The following CENPF variants were observed in gnomAD, a reference collection of about 807,000 sequenced individuals.
CENPF encodes the protein centromere protein F, also known as AH antigen.
Under a neutral mutation model 307.3 loss-of-function variants are expected in CENPF, and 214 were observed. That is an observed-to-expected ratio of 0.70 (90% CI 0.62 to 0.78). The LOEUF is 0.78. CENPF is among the 30% of genes least tolerant of loss of function. The probability of loss-of-function intolerance (pLI) is 0.00; values close to 1 mark genes in which losing one functional copy is unlikely to be tolerated. For synonymous variants in CENPF, 1,259 were observed against 1,270.6 expected (o/e 0.99, Z 0.19); for missense variants, 3,401 against 3,483.9 (o/e 0.98, Z 0.60).
rs1280130678 is a variant in CENPF, at chr1:214,640,238, G to C, written c.1900G>C (p.Glu634Gln). 6.2e-6 allele frequency: 10 copies of C among 1,612,104 alleles called. No individual in the cohort carries two copies. The highest frequency in any genetic ancestry group is 8.5e-6 in the Non-Finnish European group (10 of 1,179,610). The change falls in exon 12 of 20, where the codon GAA becomes CAA. Residue 634 changes from glutamate (E) to glutamine (Q), a missense_variant. Physicochemically the swap from Glu to Gln is conservative, Grantham distance 29. Transcript: ENST00000366955. ...SENEKLLTQM[E>Q]SEKENLQSKI... ...AAACGAAAAACTTTTAACTCAGATG[G>C]AATCAGAAAAGGAAAACTTGCAGAG...
intron 19 of CENPF, among the ~76,000 whole-genome samples, chr1:214,663,034 G>C (rs1558194993): frequency 6.6e-6 from 1 of 152,130 alleles, no homozygotes; most frequent in African/African-American, 2.4e-5. Flanking sequence ...TCCTTTAAAA[G>C]GCAGGATGTT....
In CENPF at chr1:214,640,180, A is replaced by T. The variant is rs147543346; in HGVS notation, c.1842A>T (p.Glu614Asp). ...LKKKEYEELK[E>D]EKTLFSCWKS... ...AGAAAGAATATGAAGAATTGAAAGA[A>T]GAGAAAACTCTGTTTTCTTGTTGGA... is the stretch of plus-strand genomic sequence containing the variant. Residue 614 changes from glutamate to aspartate, a missense_variant, in exon 12 of 20, where the codon GAA (glutamate) becomes GAT (aspartate). Physicochemically the swap from Glu to Asp is conservative, Grantham distance 45. Coordinates refer to ENST00000366955, the MANE Select transcript of CENPF (RefSeq NM_016343.4). 2 of 1,593,106 alleles carry T rather than the reference A, an allele frequency of 1.3e-6. No individual in the cohort carries two copies. Among genetic ancestry groups the T allele is most frequent in the East Asian group, 2.2e-5 (1 of 44,816 alleles).
intron 7 of CENPF, among the ~76,000 whole-genome samples, 195 bp from the exon 8 acceptor site, chr1:214,628,851 A>G (rs1211127193): frequency 6.6e-6 from 1 of 152,234 alleles, no homozygotes; most frequent in East Asian, 1.9e-4. Flanking sequence ...ATCGTTAGAC[A>G]TGCCGATCTT....
chr1:214,624,889 C>A (rs532169262), intron 7 of CENPF, among the ~76,000 whole-genome samples: 1 of 152,138 alleles, frequency 6.6e-6, no homozygotes, highest in East Asian at 1.9e-4. Flanking sequence ...GTTGGAGTCC[C>A]CACCTATAAC....
intron 3 of CENPF, among the ~76,000 whole-genome samples, chr1:214,617,000 C>CTCTT (rs549033456): frequency 0.039 from 5,014 of 128,704 alleles, 202 homozygotes; most frequent in Non-Finnish European, 0.051. Flanking sequence ...CTCTCTTTCT[C>CTCTT]TCTTTCTTTC....
At chr1:214,663,112 A>AT (rs774640817) in intron 19 of CENPF, among the ~76,000 whole-genome samples, 7 of 152,220 alleles carry the variant, frequency 4.6e-5, no homozygotes, top group Non-Finnish European at 7.3e-5. Context: ...GTCCAAATTC[A>AT]ATATGGAAAC....
intron 10 of CENPF, among the ~76,000 whole-genome samples, chr1:214,634,482 T>C (rs1657903057): frequency 6.6e-6 from 1 of 152,210 alleles, no homozygotes; most frequent in African/African-American, 2.4e-5. Context: ...AGACAGTGGC[T>C]TACCCTTTCT....
rs781281797 is a variant in CENPF at position 214,645,061 on chromosome 1, A to G, written c.5491A>G (p.Ile1831Val). The change falls in exon 13 of 20, where the codon ATA (isoleucine) becomes GTA (valine). Residue 1831 changes from isoleucine (I) to valine (V), a missense_variant. Transcript: ENST00000366955. ...TGAAGCATGCATAGAATTGGAAAAA[A>G]TAGTTGGGGAACTTAAGAAAGAAAA... ...KIEACIELEK[I>V]VGELKKENSD... The G allele has an allele frequency of 2.5e-5, 40 of 1,613,822 alleles. No homozygotes were observed. The highest frequency in any genetic ancestry group is 5.9e-6 in the Non-Finnish European group (7 of 1,179,984).
chr1:214,645,403 G>GTTA lies in CENPF; in HGVS notation c.5836_5838dup (p.Ile1946dup), dbSNP rs756199254. 1.2e-6 allele frequency: 2 copies of GTTA among 1,613,912 alleles called. No homozygotes were observed. Among genetic ancestry groups the GTTA allele is most frequent in the Middle Eastern group, 1.7e-4 (1 of 6,060 alleles). On this transcript the variant is annotated inframe_insertion, in exon 13 of 20. Coordinates refer to ENST00000366955, the MANE Select transcript of CENPF (RefSeq NM_016343.4). ...AAAAGACAATGAAAATAAGCAGAAG[G>GTTA]TTATTGTCTGCCTTGAAGAAGAACT...
At chr1:214,613,187 A>C (rs1657243664) in intron 1 of CENPF, 1 of 250,386 alleles carries the variant, frequency 4.0e-6, no homozygotes, top group Non-Finnish European at 8.0e-6. Context: ...GGCATTTAGG[A>C]TACATTCTAT....
At chr1:214,639,094 T>C (rs1571713088) in intron 11 of CENPF, among the ~76,000 whole-genome samples, 1 of 152,254 alleles carries the variant, frequency 6.6e-6, no homozygotes, top group African/African-American at 2.4e-5. Context: ...ATGTCTGAGA[T>C]TGTAATACAT....
chr1:214,641,182 C>G lies in CENPF; in HGVS notation c.2844C>G (p.Ser948=). 1 of 1,605,036 alleles carries G rather than the reference C, an allele frequency of 6.2e-7. No homozygotes were observed. Among genetic ancestry groups the G allele is most frequent in the Non-Finnish European group, 8.5e-7 (1 of 1,177,746 alleles). The change falls in exon 12 of 20, where the codon TCC becomes TCG. Residue 948 remains serine, a synonymous_variant. Transcript: ENST00000366955. Reference sequence around the variant, plus strand: ...CTCTAAAGGAGCTACAACTTTTATCCGAAACCCTAAGCTTGGAGAAGAAAG... The same window carrying G: ...CTCTAAAGGAGCTACAACTTTTATCGGAAACCCTAAGCTTGGAGAAGAAAG... The part of the protein sequence containing the change: ...EDSLKELQLL[S]ETLSLEKKEM...
At chr1:214,619,107 G>A (rs1467937078) in intron 4 of CENPF, 22 bp from the exon 5 acceptor site, 1 of 1,175,604 alleles carries the variant, frequency 8.5e-7, no homozygotes, top group African/African-American at 1.5e-5. Context: ...AAAGAAAACT[G>A]TATTTGATTG....
intron 12 of CENPF, 125 bp from the exon 13 acceptor site, chr1:214,644,432 A>T: frequency 1.2e-6 from 1 of 853,268 alleles, no homozygotes; most frequent in Non-Finnish European, 1.7e-6. Flanking sequence ...TGGGAAATTC[A>T]CCACTTTAAG....
In CENPF at chr1:214,647,345, A is replaced by C. The variant is rs141793562; in HGVS notation, c.7775A>C (p.Asn2592Thr). 7 of 1,612,958 alleles carry C rather than the reference A, an allele frequency of 4.3e-6. No homozygotes were observed. In the African/African-American group the frequency reaches 8.0e-5, roughly 18 times the overall value. Residue 2592 changes from asparagine to threonine, a missense_variant, in exon 13 of 20, where the codon AAT becomes ACT. Physicochemically the swap from Asn to Thr is moderately conservative, Grantham distance 65. Coordinates refer to ENST00000366955, the MANE Select transcript of CENPF (RefSeq NM_016343.4). ...GAAGTGCTGCAGAGTTCTTACAAGA[A>C]TCTAGAGAATGAGCTTGAATTGACA... Reference protein sequence around the residue: ...TLEVLQSSYKNLENELELTKM... With the variant: ...TLEVLQSSYKTLENELELTKM...
chr1:214,638,044 A>G, intron 11 of CENPF, 43 bp downstream of exon 11: 1 of 1,560,396 alleles, frequency 6.4e-7, no homozygotes, highest in Non-Finnish European at 8.7e-7. Flanking sequence ...CTAAGCTGCT[A>G]TTCCCGTGAG....
In CENPF at chr1:214,640,531, A is replaced by G. The variant is rs954160659; in HGVS notation, c.2193A>G (p.Gln731=). The G allele has an allele frequency of 6.2e-7, 1 of 1,614,192 alleles. No homozygotes were observed. The highest frequency in any genetic ancestry group is 8.5e-7 in the Non-Finnish European group (1 of 1,180,016). The change falls in exon 12 of 20, where the codon CAA becomes CAG. Residue 731 remains glutamine (Q), a synonymous_variant. Coordinates refer to ENST00000366955, the MANE Select transcript of CENPF (RefSeq NM_016343.4). ...TGAAGACTTCTCAGCTTACTGGGCAAGTTGAAGATCTAGAACACAAGCTTC... is the reference window on the plus strand; with the variant it reads ...TGAAGACTTCTCAGCTTACTGGGCAGGTTGAAGATCTAGAACACAAGCTTC... The part of the protein sequence containing the change: ...MCLKTSQLTG[Q]VEDLEHKLQL...
chr1:214,633,238 G>A (rs1044257318), intron 10 of CENPF, among the ~76,000 whole-genome samples: 3 of 152,204 alleles, frequency 2.0e-5, no homozygotes, highest in Non-Finnish European at 4.4e-5. Context: ...CAAAGTGGTG[G>A]ATGAGGGTTC....
chr1:214,644,446 T>A (rs2102564012), intron 12 of CENPF, 111 bp from the exon 13 acceptor site: 1 of 937,372 alleles, frequency 1.1e-6, no homozygotes, highest in Non-Finnish European at 1.5e-6. Flanking sequence ...CTTTAAGAGA[T>A]GTGTTTAGCA....
Sources: allele counts gnomAD v4.1 joint callset (sites outside exome capture counted in the v4.1 genomes callset), GRCh38; gene constraint gnomAD v4.1.1; transcripts MANE v1.5; gene names NCBI Gene and HGNC (gene_info 2026-07-23, HGNC 2026-07-21).